Variants in TNS4 observed in about 807,000 individuals in gnomAD.
The protein encoded by TNS4 is tensin-4.
Under a neutral mutation model 70.4 loss-of-function variants are expected in TNS4, and 46 were observed. The ratio of observed to expected loss-of-function variants is 0.65; its 90% CI spans 0.52 to 0.84. The LOEUF (loss-of-function observed/expected upper bound fraction) is 0.84. Ranked by LOEUF, TNS4 falls within the 40% of genes least tolerant of loss-of-function variation. The pLI is 0.00. For missense variants in TNS4, 863 were observed against 907.0 expected, an observed-to-expected ratio of 0.95 and a Z score of 0.62; for synonymous variants, 390 against 366.6, an observed-to-expected ratio of 1.06 and a Z score of -0.73.
chr17:40,481,779 A>G (rs975404943), intron 8 of TNS4, among the ~76,000 whole-genome samples: 14 of 152,374 alleles, frequency 9.2e-5, no homozygotes, highest in Non-Finnish European at 1.3e-4. Context: ...CTGGAAAGAG[A>G]AAACCTCTCC....
At chr17:40,499,303 C>G (rs2036182548) in intron 1 of TNS4, among the ~76,000 whole-genome samples, 1 of 152,164 alleles carries the variant, frequency 6.6e-6, no homozygotes, top group Non-Finnish European at 1.5e-5. Context: ...CACACGCACC[C>G]CCTTAGAGTT....
intron 6 of TNS4, 90 bp from the exon 7 acceptor site, chr17:40,482,506 G>A: frequency 8.3e-7 from 1 of 1,203,464 alleles, no homozygotes. Context: ...CACTTTGGGA[G>A]GCCGAGGTGG....
intron 3 of TNS4, 59 bp from the exon 4 acceptor site, chr17:40,487,519 T>G: frequency 6.5e-7 from 1 of 1,537,674 alleles, no homozygotes; most frequent in Non-Finnish European, 8.8e-7. Context: ...GGGGCTAGAG[T>G]CAGGCTCCGG....
chr17:40,480,196 G>T (rs1373569107), intron 9 of TNS4, among the ~76,000 whole-genome samples: 1 of 152,180 alleles, frequency 6.6e-6, no homozygotes, highest in Non-Finnish European at 1.5e-5. Flanking sequence ...CATTGGCAAC[G>T]GTAGGGACAG....
chr17:40,492,671 G>T lies in TNS4; in HGVS notation c.439+3316C>A, dbSNP rs144162709. On this transcript the variant is annotated intron_variant, in intron 2 of 12. Coordinates refer to ENST00000254051, the MANE Select transcript of TNS4 (RefSeq NM_032865.6). ...GCCTGTAATCCCAGAACTTTGGGAG[G>T]CTGAGGAAGGAGGATTTCTTGAGGT... Among the ~76,000 whole-genome samples, 1,005 of 151,418 alleles carry T rather than the reference G, an allele frequency of 6.6e-3. 14 individuals carry two copies. The highest frequency in any genetic ancestry group is 0.024 in the African/African-American group (975 of 41,154).
At chr17:40,491,753 C>T (rs992805693) in intron 2 of TNS4, among the ~76,000 whole-genome samples, 6 of 152,218 alleles carry the variant, frequency 3.9e-5, no homozygotes, top group South Asian at 2.1e-4. Context: ...GGGGTGCAGT[C>T]GCTGTTTACT....
intron 2 of TNS4, among the ~76,000 whole-genome samples, chr17:40,492,152 C>A (rs2036079959): frequency 6.6e-6 from 1 of 152,138 alleles, no homozygotes; most frequent in Non-Finnish European, 1.5e-5. Context: ...CGGATGGATT[C>A]CGTGATGCCC....
At chr17:40,480,570 A>C in intron 9 of TNS4, 130 bp downstream of exon 9, 1 of 931,550 alleles carries the variant, frequency 1.1e-6, no homozygotes. Flanking sequence ...AAAGATGCAG[A>C]AACAAAGCTG....
chr17:40,489,053 A>G, intron 2 of TNS4, 84 bp from the exon 3 acceptor site: 1 of 1,306,352 alleles, frequency 7.7e-7, no homozygotes, highest in Admixed American at 2.5e-5. Context: ...CCTCAAGGTC[A>G]TTCTGTCCCC....
chr17:40,487,584 C>G, intron 3 of TNS4, 124 bp from the exon 4 acceptor site: 9 of 959,234 alleles, frequency 9.4e-6, no homozygotes, highest in Non-Finnish European at 1.4e-5. Context: ...ACTGCATACC[C>G]CACCCCCTAC....
chr17:40,477,348 A>C lies in TNS4; in HGVS notation c.*240T>G. ...TTCAAATGCCCACCAGCATCTAAGA[A>C]CAGCTGATCTTGTCTATTGGTCTTC... On this transcript the variant is annotated 3_prime_UTR_variant, in exon 13 of 13. Coordinates refer to ENST00000254051, the MANE Select transcript of TNS4 (RefSeq NM_032865.6). The C allele has an allele frequency of 4.1e-6, 2 of 489,608 alleles. No homozygotes were observed. The highest frequency in any genetic ancestry group is 7.3e-6 in the Non-Finnish European group (2 of 275,302). The allele number at this position is 489,608 out of a possible 1,614,324, so 30.3% of individuals were successfully genotyped here. A position where few individuals can be genotyped will look rare whatever the true frequency, so the allele number is the denominator to read the frequency against.
intron 5 of TNS4, 129 bp downstream of exon 5, chr17:40,484,792 G>A: frequency 1.5e-6 from 2 of 1,353,170 alleles, no homozygotes; most frequent in Non-Finnish European, 2.1e-6. Flanking sequence ...CATGAGGTCA[G>A]CAGGACATCC....
At chr17:40,491,664 G>C (rs945468881) in intron 2 of TNS4, among the ~76,000 whole-genome samples, 2 of 152,130 alleles carry the variant, frequency 1.3e-5, no homozygotes, top group Non-Finnish European at 2.9e-5. Context: ...TAAGGAGAGC[G>C]GGAGGGGAGG....
chr17:40,481,004 C>T (rs1182803875), intron 8 of TNS4: 4 of 512,622 alleles, frequency 7.8e-6, no homozygotes, highest in African/African-American at 4.1e-5. Flanking sequence ...CGCCCCCCCA[C>T]CTCTTAGATG....
chr17:40,486,955 G>T, intron 4 of TNS4, 81 bp downstream of exon 4: 2 of 1,533,664 alleles, frequency 1.3e-6, no homozygotes, highest in Non-Finnish European at 1.8e-6. Context: ...TAAATGTGTT[G>T]ACTGGCTGTT....
intron 2 of TNS4, among the ~76,000 whole-genome samples, chr17:40,495,019 T>C (rs538973134): frequency 7.2e-4 from 110 of 152,056 alleles, no homozygotes; most frequent in Non-Finnish European, 1.1e-3. Context: ...CCAGGTTCCT[T>C]TGGACTCGGT....
intron 8 of TNS4, among the ~76,000 whole-genome samples, chr17:40,481,117 A>G (rs2035916559): frequency 6.6e-6 from 1 of 151,868 alleles, no homozygotes; most frequent in Non-Finnish European, 1.5e-5. Context: ...GGCTCTCACC[A>G]TCGCTCCTCT....
rs112659190 is a variant in TNS4, at chr17:40,478,380, C to T, written c.1980-47G>A. The T allele has an allele frequency of 1.3e-3, 2,096 of 1,602,314 alleles. 21 individuals are homozygous for T. The African/African-American group carries it at 0.026, about 20-fold the overall frequency. On this transcript the variant is annotated intron_variant, in intron 11 of 12. Transcript: ENST00000254051. Reference sequence around the variant, plus strand: ...CCGAGTAATGAGGCTTCGCTCCATGCCACAGGACCCTGGAGGAGCAGCAGG... The same window carrying T: ...CCGAGTAATGAGGCTTCGCTCCATGTCACAGGACCCTGGAGGAGCAGCAGG...
intron 9 of TNS4, 72 bp downstream of exon 9, chr17:40,480,628 G>A (rs2035909388): frequency 4.4e-6 from 6 of 1,376,892 alleles, no homozygotes; most frequent in South Asian, 1.7e-5. Context: ...GCATGCGTGC[G>A]TGTGTGCAGG....
Sources: allele counts gnomAD v4.1 joint callset (sites outside exome capture counted in the v4.1 genomes callset), GRCh38; gene constraint gnomAD v4.1.1; transcripts MANE v1.5; gene names NCBI Gene and HGNC (gene_info 2026-07-23, HGNC 2026-07-21).